Variants in MBD5 observed in about 807,000 individuals in gnomAD.
MBD5 encodes the protein methyl-CpG binding domain protein 5.
MBD5 carries 13 observed loss-of-function variants against 117.3 expected under a neutral mutation model. That is an observed-to-expected ratio of 0.11 (90% confidence interval 0.07 to 0.18). The LOEUF is 0.18. MBD5 is among the 10% of genes least tolerant of loss of function. The pLI is 1.00. For missense variants in MBD5, 1,879 were observed against 2,093.8 expected, an observed-to-expected ratio of 0.90 and a Z score of 2.00; for synonymous variants, 727 against 766.4, an observed-to-expected ratio of 0.95 and a Z score of 0.85.
At chr2:148,311,901 C>T (rs1702041267) in intron 3 of MBD5, among the ~76,000 whole-genome samples, 1 of 152,138 alleles carries the variant, frequency 6.6e-6, no homozygotes, top group Admixed American at 6.6e-5. Context: ...TTCTCCTTCG[C>T]TTTGGAAGCT....
intron 4 of MBD5, among the ~76,000 whole-genome samples, chr2:148,392,931 T>C (rs1449816496): frequency 6.6e-6 from 1 of 152,194 alleles, no homozygotes; most frequent in Non-Finnish European, 1.5e-5. Flanking sequence ...TATTTTCATT[T>C]CTTTATTTAA....
Position 148,303,986 on chromosome 2 carries a change from G to A in MBD5, c.-679-38228G>A, listed in dbSNP as rs150455389. On this transcript the variant is annotated intron_variant, in intron 3 of 13. Transcript: ENST00000642680. ...AGTACAAATGACCTCAAAGCCTAACGCTGATGAACTGAGCCAACTTATAAT... is the reference window on the plus strand; with the variant it reads ...AGTACAAATGACCTCAAAGCCTAACACTGATGAACTGAGCCAACTTATAAT... 9.2e-3 allele frequency among the ~76,000 whole-genome samples: 1,405 copies of A among 152,182 alleles called. 2 individuals carry two copies. The highest frequency in any genetic ancestry group is 0.012 in the Non-Finnish European group (844 of 68,014).
intron 4 of MBD5, among the ~76,000 whole-genome samples, chr2:148,357,473 T>C (rs1258882627): frequency 6.4e-5 from 9 of 141,358 alleles, no homozygotes; most frequent in African/African-American, 2.4e-4. Context: ...TTTTTTTTTT[T>C]CTTGGTATTT....
intron 1 of MBD5, among the ~76,000 whole-genome samples, chr2:148,142,594 T>C (rs887998145): frequency 6.6e-6 from 1 of 152,032 alleles, no homozygotes; most frequent in African/African-American, 2.4e-5. Context: ...TTCAGTGAGA[T>C]AAACAAGTAA....
chr2:148,453,247 T>G (rs1046736214), intron 4 of MBD5, among the ~76,000 whole-genome samples: 12 of 152,186 alleles, frequency 7.9e-5, no homozygotes, highest in African/African-American at 2.9e-4. Context: ...TGATGTCTAA[T>G]TTGAATGATG....
chr2:148,060,688 C>T (rs1366205790), intron 1 of MBD5, among the ~76,000 whole-genome samples: 2 of 152,000 alleles, frequency 1.3e-5, no homozygotes, highest in African/African-American at 4.8e-5. Flanking sequence ...TTCAAGTTTC[C>T]TTTTTTTATA....
intron 1 of MBD5, among the ~76,000 whole-genome samples, chr2:148,140,862 C>T (rs1178711901): frequency 6.6e-6 from 1 of 151,748 alleles, no homozygotes; most frequent in African/African-American, 2.4e-5. Context: ...GCCTCCTGGG[C>T]TCAAGCAATG....
chr2:148,177,358 A>C (rs951441976), intron 1 of MBD5, among the ~76,000 whole-genome samples: 2 of 152,210 alleles, frequency 1.3e-5, no homozygotes, highest in African/African-American at 4.8e-5. Flanking sequence ...AACTGTGGGC[A>C]TGCACCTGGG....
intron 1 of MBD5, among the ~76,000 whole-genome samples, chr2:148,147,934 A>G (rs924544876): frequency 3.9e-5 from 6 of 152,152 alleles, no homozygotes; most frequent in African/African-American, 1.2e-4. Flanking sequence ...ATCATGCACA[A>G]GTCACCATAC....
intron 5 of MBD5, among the ~76,000 whole-genome samples, chr2:148,459,642 A>G (rs570294042): frequency 1.3e-5 from 2 of 152,356 alleles, no homozygotes; most frequent in East Asian, 3.9e-4. Flanking sequence ...TTTAAAAGGT[A>G]TCACATTCCA....
intron 3 of MBD5, among the ~76,000 whole-genome samples, chr2:148,305,584 C>A (rs1701872734): frequency 6.6e-6 from 1 of 152,152 alleles, no homozygotes; most frequent in South Asian, 2.1e-4. Flanking sequence ...ATGTGTTTAG[C>A]GATGACATCG....
chr2:148,498,615 C>G (rs1176328845), intron 11 of MBD5, among the ~76,000 whole-genome samples: 1 of 152,126 alleles, frequency 6.6e-6, no homozygotes, highest in Non-Finnish European at 1.5e-5. Flanking sequence ...GGATTACAGG[C>G]GTGAGCCACC....
chr2:148,170,163 C>T (rs533039907), intron 1 of MBD5, among the ~76,000 whole-genome samples: 12 of 152,172 alleles, frequency 7.9e-5, no homozygotes, highest in Non-Finnish European at 1.5e-4. Flanking sequence ...TCCCAAAGTG[C>T]TGGGATTACA....
chr2:148,352,959 A>G (rs1213546803), intron 4 of MBD5, among the ~76,000 whole-genome samples: 5 of 152,130 alleles, frequency 3.3e-5, no homozygotes, highest in Non-Finnish European at 7.4e-5. Flanking sequence ...CAAAACTGTC[A>G]TGTTTCTGGA....
intron 1 of MBD5, among the ~76,000 whole-genome samples, chr2:148,136,764 A>G (rs943021243): frequency 6.6e-6 from 1 of 151,612 alleles, no homozygotes; most frequent in African/African-American, 2.4e-5. Context: ...CCAGTTTATT[A>G]ATTTTTTTTT....
intron 3 of MBD5, among the ~76,000 whole-genome samples, chr2:148,317,650 A>T: frequency 6.7e-6 from 1 of 150,224 alleles, no homozygotes; most frequent in African/African-American, 2.5e-5. Context: ...CTATTATTCC[A>T]CTCTGTATGT....
Position 148,432,410 on chromosome 2 carries a change from G to T in MBD5, c.-556-25793G>T, listed in dbSNP as rs545256455. ...TCAATTTTGGTTTTTTGTTGCAGTG[G>T]CTTCTGCTGTGTTCATCATGAAATC... is the stretch of plus-strand genomic sequence containing the variant. On this transcript the variant is annotated intron_variant, in intron 4 of 13. Coordinates refer to ENST00000642680, the MANE Select transcript of MBD5 (RefSeq NM_001378120.1). Among the ~76,000 whole-genome samples the T allele has an allele frequency of 2.6e-5, 4 of 152,124 alleles. No individual in the cohort carries two copies. The South Asian group carries it at 8.3e-4, about 32-fold the overall frequency.
At chr2:148,434,321 C>CA (rs753018242) in intron 4 of MBD5, among the ~76,000 whole-genome samples, 2 of 151,968 alleles carry the variant, frequency 1.3e-5, no homozygotes, top group Admixed American at 6.6e-5. Context: ...TTCAAAGAAA[C>CA]AAATTCTGGA....
chr2:148,298,525 G>C (rs749334413), intron 3 of MBD5, among the ~76,000 whole-genome samples: 2 of 152,162 alleles, frequency 1.3e-5, no homozygotes, highest in African/African-American at 2.4e-5. Context: ...AATTTTCAGA[G>C]ATTTTAAATG....
Sources: allele counts gnomAD v4.1 joint callset (sites outside exome capture counted in the v4.1 genomes callset), GRCh38; gene constraint gnomAD v4.1.1; transcripts MANE v1.5; gene names NCBI Gene and HGNC (gene_info 2026-07-23, HGNC 2026-07-21).